Variants in CSMD3 observed in about 807,000 individuals in gnomAD.
The protein encoded by CSMD3 is CUB and sushi domain-containing protein 3.
Under a neutral mutation model 435.2 loss-of-function variants are expected in CSMD3, and 177 were observed. That is an observed-to-expected ratio of 0.41 (90% confidence interval 0.36 to 0.46). The LOEUF (loss-of-function observed/expected upper bound fraction) is 0.46. Among genes scored for constraint, CSMD3 ranks in the 20% least tolerant of loss-of-function variants. The pLI, the probability that CSMD3 is intolerant of heterozygous loss-of-function variation, is 0.34. For missense variants in CSMD3, 4,265 were observed against 4,504.6 expected (o/e 0.95, Z 1.52); for synonymous variants, 1,656 against 1,520.5 (o/e 1.09, Z -2.07).
chr8:113,023,256 A>G (rs1228449517), intron 5 of CSMD3, among the ~76,000 whole-genome samples: 2 of 152,076 alleles, frequency 1.3e-5, no homozygotes, highest in Non-Finnish European at 2.9e-5. Flanking sequence ...CCAATTCCCT[A>G]AAATCATCCA....
At chr8:113,161,684 GTC>G (rs2092042691) in intron 4 of CSMD3, among the ~76,000 whole-genome samples, 1 of 151,948 alleles carries the variant, frequency 6.6e-6, no homozygotes, top group African/African-American at 2.4e-5. Context: ...CATATTTACT[GTC>G]TCTAAAAAAA....
intron 10 of CSMD3, among the ~76,000 whole-genome samples, chr8:112,911,634 C>A (rs2082415295): frequency 1.5e-5 from 1 of 67,092 alleles, no homozygotes; most frequent in South Asian, 5.6e-4. Flanking sequence ...TGTGTGTGTA[C>A]ATATATATGT....
chr8:113,297,178 G>C (rs1403422896), intron 2 of CSMD3, among the ~76,000 whole-genome samples: 1 of 151,998 alleles, frequency 6.6e-6, no homozygotes, highest in Non-Finnish European at 1.5e-5. Flanking sequence ...TTTCCACGTA[G>C]CTATTATGAA....
At chr8:112,273,992 T>G (rs1244068895) in intron 59 of CSMD3, among the ~76,000 whole-genome samples, 2 of 150,104 alleles carry the variant, frequency 1.3e-5, no homozygotes, top group East Asian at 2.0e-4. Flanking sequence ...AAAAAGGATA[T>G]GAGGAGAAAA....
chr8:112,921,697 T>C lies in CSMD3; in HGVS notation c.1563A>G (p.Ala521=). 6.2e-7 allele frequency: 1 copy of C among 1,611,372 alleles called. No individual in the cohort carries two copies. The highest frequency in any genetic ancestry group is 1.1e-5 in the South Asian group (1 of 91,038). ...SCDEDYVLQG[A]KSITCQRIAE... is the part of the protein sequence containing the mutation. ...CTATCCGTTGACAGGTGATGCTCTTTGCGCCCTGTAGGACATAATCTTCAT... is the reference window on the plus strand; with the variant it reads ...CTATCCGTTGACAGGTGATGCTCTTCGCGCCCTGTAGGACATAATCTTCAT... The change falls in exon 10 of 71, where the codon GCA becomes GCG. Residue 521 remains alanine (A), a synonymous_variant. Transcript: ENST00000297405.
At chr8:112,966,109 C>G (rs572270448) in intron 7 of CSMD3, among the ~76,000 whole-genome samples, 1 of 151,562 alleles carries the variant, frequency 6.6e-6, no homozygotes, top group Non-Finnish European at 1.5e-5. Context: ...AACTCTCCAC[C>G]CAAAATGTTG....
At chr8:113,235,516 T>C (rs1434618865) in intron 3 of CSMD3, among the ~76,000 whole-genome samples, 2 of 151,940 alleles carry the variant, frequency 1.3e-5, no homozygotes, top group African/African-American at 2.4e-5. Context: ...TAGGAAAAAA[T>C]AGCAAGCAGT....
At chr8:112,642,296 AG>A (rs977874526) in intron 20 of CSMD3, among the ~76,000 whole-genome samples, 2 of 151,928 alleles carry the variant, frequency 1.3e-5, no homozygotes, top group African/African-American at 4.8e-5. Context: ...TTTTTTCTCT[AG>A]GTTTCCCGTA....
chr8:112,755,808 T>C (rs2077685183), intron 13 of CSMD3, among the ~76,000 whole-genome samples: 1 of 148,500 alleles, frequency 6.7e-6, no homozygotes, highest in African/African-American at 2.5e-5. Flanking sequence ...ATATTATATA[T>C]AATAAATATA....
chr8:112,674,968 TC>T (rs1483936385), intron 16 of CSMD3, among the ~76,000 whole-genome samples: 2 of 152,112 alleles, frequency 1.3e-5, no homozygotes, highest in Non-Finnish European at 2.9e-5. Context: ...CATATAGATC[TC>T]CCTAGCTTTT....
intron 6 of CSMD3, among the ~76,000 whole-genome samples, chr8:112,995,008 TAC>T (rs1268528760): frequency 6.6e-6 from 1 of 151,554 alleles, no homozygotes; most frequent in Non-Finnish European, 1.5e-5. Context: ...TCTTATACTT[TAC>T]AGAGTGTACT....
At chr8:112,728,481 C>T (rs1031793246) in intron 13 of CSMD3, among the ~76,000 whole-genome samples, 2 of 152,000 alleles carry the variant, frequency 1.3e-5, no homozygotes, top group East Asian at 3.9e-4. Context: ...TTTTTGAGAA[C>T]GAAGACTGTT....
chr8:112,600,248 A>T (rs1223922666), intron 22 of CSMD3, among the ~76,000 whole-genome samples: 1 of 152,184 alleles, frequency 6.6e-6, no homozygotes, highest in Admixed American at 6.5e-5. Context: ...GCTACCAAAA[A>T]TGACAAGAAA....
chr8:112,510,876 T>C (rs930186319), intron 28 of CSMD3, among the ~76,000 whole-genome samples: 2 of 152,234 alleles, frequency 1.3e-5, no homozygotes, highest in African/African-American at 4.8e-5. Context: ...GAATTGCTAG[T>C]GGTTCTTTAT....
chr8:112,418,005 T>G (rs1812096975), intron 32 of CSMD3, among the ~76,000 whole-genome samples: 1 of 152,214 alleles, frequency 6.6e-6, no homozygotes. Flanking sequence ...GGAACTGAGC[T>G]GGTTTGCCAC....
At chr8:112,239,942 G>T (rs1813964894) in intron 66 of CSMD3, among the ~76,000 whole-genome samples, 1 of 151,932 alleles carries the variant, frequency 6.6e-6, no homozygotes. Flanking sequence ...TCTTAATAGG[G>T]ACACAACTAA....
At chr8:112,599,727 G>T (rs1431945206) in intron 22 of CSMD3, among the ~76,000 whole-genome samples, 2 of 151,384 alleles carry the variant, frequency 1.3e-5, no homozygotes. Flanking sequence ...TAGGGACATG[G>T]ATGAAATTGG....
chr8:113,430,457 A>G (rs190213319), intron 1 of CSMD3, among the ~76,000 whole-genome samples: 1 of 152,168 alleles, frequency 6.6e-6, no homozygotes, highest in Admixed American at 6.5e-5. Flanking sequence ...TCATTATTTG[A>G]CCTTCAGTGG....
At chr8:112,713,542 GA>G (rs1365417852) in intron 13 of CSMD3, among the ~76,000 whole-genome samples, 1 of 151,942 alleles carries the variant, frequency 6.6e-6, no homozygotes, top group Non-Finnish European at 1.5e-5. Context: ...CCTAGCAAGA[GA>G]GGCTAACATT....
Sources: allele counts gnomAD v4.1 joint callset (sites outside exome capture counted in the v4.1 genomes callset), GRCh38; gene constraint gnomAD v4.1.1; transcripts MANE v1.5; gene names NCBI Gene and HGNC (gene_info 2026-07-23, HGNC 2026-07-21).